The following KAZN variants were observed in gnomAD, a reference collection of about 807,000 sequenced individuals.
KAZN encodes kazrin.
A neutral mutation model predicts 87.4 loss-of-function variants in KAZN; 40 were observed. The observed-to-expected ratio is 0.46, with a 90% CI of 0.36 to 0.60. The LOEUF (loss-of-function observed/expected upper bound fraction) is 0.60, where lower values mean the gene tolerates loss of function less well. KAZN is among the 20% of genes least tolerant of loss of function. The pLI, the probability that KAZN is intolerant of heterozygous loss-of-function variation, is 0.00. For synonymous variants in KAZN, 466 were observed against 458.3 expected, an observed-to-expected ratio of 1.02 and a Z score of -0.22; for missense variants, 898 against 1,073.9, an observed-to-expected ratio of 0.84 and a Z score of 2.29.
chr1:15,112,551 T>A lies in KAZN; in HGVS notation c.2163+10T>A. The A allele has an allele frequency of 8.0e-7, 1 of 1,251,586 alleles. No individual in the cohort carries two copies. Among genetic ancestry groups the A allele is most frequent in the Non-Finnish European group, 1.1e-6 (1 of 903,566 alleles). 77.5% of individuals were successfully genotyped at this position (1,251,586 alleles called of 1,614,324 possible). On this transcript the variant is annotated intron_variant, in intron 14 of 14. Transcript: ENST00000376030. ...GTACAAGGCTGGCCGGGTAAGTCTC[T>A]CAATGGATTTACCTGTGAGTCCTGC...
At chr1:14,400,268 G>A (rs1353651319) in intron 2 of KAZN, among the ~76,000 whole-genome samples, 1 of 152,198 alleles carries the variant, frequency 6.6e-6, no homozygotes, top group Non-Finnish European at 1.5e-5. Flanking sequence ...AGCAATGTGA[G>A]AACAACCTGG....
chr1:14,442,326 T>G (rs914607724), intron 2 of KAZN, among the ~76,000 whole-genome samples: 1 of 152,204 alleles, frequency 6.6e-6, no homozygotes, highest in Non-Finnish European at 1.5e-5. Context: ...TGGACACAAA[T>G]CACTACCCAT....
At chr1:14,383,669 ATCTC>A (rs935564171) in intron 2 of KAZN, among the ~76,000 whole-genome samples, 65 of 151,852 alleles carry the variant, frequency 4.3e-4, no homozygotes, top group African/African-American at 3.1e-4. Flanking sequence ...TGTTCCATTG[ATCTC>A]TCTCTCTGTT....
intron 1 of KAZN, among the ~76,000 whole-genome samples, chr1:14,677,512 G>T (rs1640296927): frequency 6.6e-6 from 1 of 152,024 alleles, no homozygotes; most frequent in Non-Finnish European, 1.5e-5. Flanking sequence ...TGGACTCCAA[G>T]AATTCTGAGA....
At chr1:14,091,541 T>C (rs1288783755) in intron 1 of KAZN, among the ~76,000 whole-genome samples, 1 of 152,226 alleles carries the variant, frequency 6.6e-6, no homozygotes, top group African/African-American at 2.4e-5. Context: ...ATTAATTTTA[T>C]TTGCATAGCT....
intron 1 of KAZN, among the ~76,000 whole-genome samples, chr1:14,780,994 G>A (rs1237166683): frequency 1.3e-5 from 2 of 152,210 alleles, no homozygotes; most frequent in Admixed American, 1.3e-4. Flanking sequence ...TGGAGTGGGG[G>A]ACACTGAAGG....
At chr1:14,571,774 A>G (rs1323661741) in intron 2 of KAZN, among the ~76,000 whole-genome samples, 3 of 152,190 alleles carry the variant, frequency 2.0e-5, no homozygotes, top group African/African-American at 7.2e-5. Context: ...TTTACCCTTC[A>G]TCAAATGATC....
chr1:13,971,791 T>C (rs187984175), intron 1 of KAZN, among the ~76,000 whole-genome samples: 3 of 152,314 alleles, frequency 2.0e-5, no homozygotes, highest in African/African-American at 7.2e-5. Context: ...TCCCCCTTGG[T>C]ACTGTCCTCA....
chr1:14,933,752 C>G (rs530718143), intron 1 of KAZN, among the ~76,000 whole-genome samples: 1 of 152,290 alleles, frequency 6.6e-6, no homozygotes, highest in Admixed American at 6.5e-5. Flanking sequence ...AAGCCATCCT[C>G]CTGCCTCAGC....
chr1:14,804,554 G>A (rs897651699), intron 1 of KAZN, among the ~76,000 whole-genome samples: 10 of 152,326 alleles, frequency 6.6e-5, no homozygotes, highest in Non-Finnish European at 8.8e-5. Flanking sequence ...CCGGAATAGG[G>A]AGATGGAGGC....
At chr1:14,038,080 T>C (rs2359908) in intron 1 of KAZN, among the ~76,000 whole-genome samples, 133,663 of 151,924 alleles carry the variant, frequency 0.88, 59,275 homozygotes, top group Admixed American at 0.94. Flanking sequence ...CTTATTTATT[T>C]GTTCAGTAAG....
chr1:14,668,078 A>G lies in KAZN; in HGVS notation c.226+68855A>G, dbSNP rs114928794. 3.8e-3 allele frequency among the ~76,000 whole-genome samples: 583 copies of G among 152,316 alleles called. 4 individuals are homozygous for G. Among genetic ancestry groups the G allele is most frequent in the African/African-American group, 0.013 (549 of 41,566 alleles). On this transcript the variant is annotated intron_variant, in intron 1 of 14. Transcript: ENST00000376030. The stretch of plus-strand genomic sequence containing the variant: ...AATTCTGAGGTTGCTTTCAAATGCT[A>G]TGATTGTATGGCCCCAAAGGGACTC...
chr1:14,901,058 G>A (rs1385227482), intron 1 of KAZN, among the ~76,000 whole-genome samples: 2 of 152,236 alleles, frequency 1.3e-5, no homozygotes, highest in African/African-American at 4.8e-5. Context: ...TCCTCAGGGA[G>A]CTTACTGTGT....
chr1:14,534,623 A>G (rs1672385585), intron 2 of KAZN, among the ~76,000 whole-genome samples: 1 of 150,896 alleles, frequency 6.6e-6, no homozygotes, highest in Non-Finnish European at 1.5e-5. Context: ...CCAGCCTGGG[A>G]GCCAGAGCGA....
chr1:14,249,347 A>G (rs6662041), intron 2 of KAZN, among the ~76,000 whole-genome samples: 17,942 of 152,278 alleles, frequency 0.12, 2,335 homozygotes, highest in African/African-American at 0.31. Flanking sequence ...GAATTAAAGA[A>G]AAACAGTTGC....
intron 1 of KAZN, among the ~76,000 whole-genome samples, chr1:13,905,192 T>C (rs970200572): frequency 1.4e-4 from 21 of 152,258 alleles, no homozygotes; most frequent in African/African-American, 5.1e-4. Flanking sequence ...AATACTTATC[T>C]GATAAAGGAA....
chr1:14,859,814 T>G (rs1650619215), intron 1 of KAZN, among the ~76,000 whole-genome samples: 1 of 152,096 alleles, frequency 6.6e-6, no homozygotes, highest in South Asian at 2.1e-4. Flanking sequence ...TCCCACTATT[T>G]CCCCTTAGCG....
intron 1 of KAZN, among the ~76,000 whole-genome samples, chr1:14,056,503 T>C (rs1471313544): frequency 6.6e-6 from 1 of 152,262 alleles, no homozygotes; most frequent in African/African-American, 2.4e-5. Context: ...CATCCTGATT[T>C]TAGCTCTGCA....
At chr1:14,033,526 C>G (rs1174176138) in intron 1 of KAZN, among the ~76,000 whole-genome samples, 4 of 152,216 alleles carry the variant, frequency 2.6e-5, no homozygotes, top group Non-Finnish European at 5.9e-5. Flanking sequence ...ACCCTAGGGA[C>G]AGGGCTGCAA....
Sources: allele counts gnomAD v4.1 joint callset (sites outside exome capture counted in the v4.1 genomes callset), GRCh38; gene constraint gnomAD v4.1.1; transcripts MANE v1.5; gene names NCBI Gene and HGNC (gene_info 2026-07-23, HGNC 2026-07-21).